BBX: variants seen among roughly 807,000 people sequenced by gnomAD.
BBX encodes the protein HMG box transcription factor BBX.
BBX carries 30 observed loss-of-function variants against 100.2 expected under a neutral mutation model. That is an observed-to-expected ratio of 0.30 (90% CI 0.22 to 0.41). BBX has a LOEUF of 0.41. BBX is among the 10% of genes least tolerant of loss of function. BBX has a pLI of 1.00. For missense variants in BBX, 1,023 were observed against 1,129.8 expected, an observed-to-expected ratio of 0.91 and a Z score of 1.35; for synonymous variants, 376 against 388.1, an observed-to-expected ratio of 0.97 and a Z score of 0.37.
intron 3 of BBX, among the ~76,000 whole-genome samples, chr3:107,670,069 A>C (rs1410730990): frequency 6.6e-6 from 1 of 152,128 alleles, no homozygotes; most frequent in Non-Finnish European, 1.5e-5. Context: ...CTGAGTTTGA[A>C]TCAGATGTTA....
At chr3:107,686,229 C>G (rs73850122) in intron 3 of BBX, among the ~76,000 whole-genome samples, 2,443 of 152,212 alleles carry the variant, frequency 0.016, 56 homozygotes, top group African/African-American at 0.054. Flanking sequence ...TGTGGATTCA[C>G]TTTTACAGAT....
chr3:107,780,684 A>C (rs1045626006), intron 13 of BBX, among the ~76,000 whole-genome samples: 2 of 152,078 alleles, frequency 1.3e-5, no homozygotes, highest in Non-Finnish European at 2.9e-5. Flanking sequence ...AAATTAAATA[A>C]TATATTATCT....
intron 6 of BBX, among the ~76,000 whole-genome samples, chr3:107,731,926 A>G (rs182499895): frequency 1.7e-4 from 26 of 152,314 alleles, no homozygotes; most frequent in Admixed American, 2.6e-4. Flanking sequence ...GTACTAGGAG[A>G]GATGCCGAGT....
chr3:107,561,437 A>G (rs2050489319), intron 2 of BBX, among the ~76,000 whole-genome samples: 1 of 152,194 alleles, frequency 6.6e-6, no homozygotes, highest in Admixed American at 6.5e-5. Flanking sequence ...GTATAAGAAT[A>G]TTCATAGTAA....
At chr3:107,794,974 A>G (rs1013128253) in intron 15 of BBX, among the ~76,000 whole-genome samples, 1 of 152,174 alleles carries the variant, frequency 6.6e-6, no homozygotes, top group African/African-American at 2.4e-5. Context: ...ATACGCACCA[A>G]GTGTGTTATG....
intron 3 of BBX, among the ~76,000 whole-genome samples, chr3:107,703,491 A>G (rs540910713): frequency 4.7e-4 from 72 of 152,228 alleles, no homozygotes; most frequent in African/African-American, 1.7e-3. Context: ...TTAAAACTAC[A>G]TATTTCTTTA....
chr3:107,568,704 G>A (rs530805880), intron 2 of BBX, among the ~76,000 whole-genome samples: 67 of 151,558 alleles, frequency 4.4e-4, no homozygotes, highest in Middle Eastern at 3.4e-3. Context: ...TCTTTCTTTT[G>A]CATTCTGGGG....
At chr3:107,633,331 T>A (rs1294312530) in intron 2 of BBX, among the ~76,000 whole-genome samples, 2 of 152,132 alleles carry the variant, frequency 1.3e-5, no homozygotes, top group Admixed American at 6.5e-5. Context: ...ATCTTTTGAT[T>A]TTATGAAAAG....
At chr3:107,527,873 C>A (rs1008305685) in intron 2 of BBX, among the ~76,000 whole-genome samples, 1 of 152,128 alleles carries the variant, frequency 6.6e-6, no homozygotes, top group African/African-American at 2.4e-5. Flanking sequence ...AAAATGCATT[C>A]TTGATTACTA....
In BBX at chr3:107,796,404, G is replaced by A. The variant is rs186266025; in HGVS notation, c.2354-2119G>A. ...ACATGTTCTGTACTTTCCTGGGAAGGGGAAGTAGAAAAGGGAAGAGGTTAA... is the reference window on the plus strand; with the variant it reads ...ACATGTTCTGTACTTTCCTGGGAAGAGGAAGTAGAAAAGGGAAGAGGTTAA... On this transcript the variant is annotated intron_variant, in intron 15 of 17. Transcript: ENST00000325805. Among the ~76,000 whole-genome samples, 296 of 152,296 alleles carry A rather than the reference G, an allele frequency of 1.9e-3. 1 individual carries two copies. The highest frequency in any genetic ancestry group is 6.6e-3 in the African/African-American group (275 of 41,554).
At chr3:107,791,798 C>T (rs1207688319) in intron 15 of BBX, among the ~76,000 whole-genome samples, 6 of 152,090 alleles carry the variant, frequency 3.9e-5, no homozygotes, top group African/African-American at 1.2e-4. Flanking sequence ...GTCAGGAGTT[C>T]GAGACTAGCC....
chr3:107,701,321 A>G (rs1271527766), intron 3 of BBX, among the ~76,000 whole-genome samples: 1 of 152,150 alleles, frequency 6.6e-6, no homozygotes, highest in East Asian at 1.9e-4. Flanking sequence ...TGGTCCCATC[A>G]TGTGCTGGCA....
chr3:107,720,440 A>G (rs1251168209), intron 5 of BBX, among the ~76,000 whole-genome samples: 1 of 151,974 alleles, frequency 6.6e-6, no homozygotes, highest in African/African-American at 2.4e-5. Flanking sequence ...TTTTTGTATA[A>G]GGATTCAGAG....
At chr3:107,791,989 A>C (rs1258039527) in intron 15 of BBX, among the ~76,000 whole-genome samples, 2 of 152,234 alleles carry the variant, frequency 1.3e-5, no homozygotes, top group Non-Finnish European at 2.9e-5. Flanking sequence ...CAACAACAAC[A>C]AAAAAGAATA....
chr3:107,619,908 T>C (rs752001686), intron 2 of BBX, among the ~76,000 whole-genome samples: 3 of 152,166 alleles, frequency 2.0e-5, no homozygotes, highest in Non-Finnish European at 4.4e-5. Flanking sequence ...TTGACTATGT[T>C]GTGTCTTGGT....
intron 5 of BBX, among the ~76,000 whole-genome samples, chr3:107,726,817 T>C (rs1442070757): frequency 2.6e-5 from 4 of 152,062 alleles, no homozygotes; most frequent in Admixed American, 1.3e-4. Flanking sequence ...CTCTTCTCTC[T>C]CCCCAATGTC....
intron 3 of BBX, chr3:107,659,884 G>A (rs2058354623): frequency 1.6e-5 from 8 of 497,216 alleles, no homozygotes; most frequent in South Asian, 1.1e-4. Flanking sequence ...TAAGAGGGAC[G>A]TATAATATGA....
chr3:107,751,995 A>G (rs1371163708), intron 9 of BBX, among the ~76,000 whole-genome samples: 1 of 152,238 alleles, frequency 6.6e-6, no homozygotes, highest in Admixed American at 6.5e-5. Flanking sequence ...TCAGAAGGGA[A>G]CTGTTGTCTT....
chr3:107,790,283 G>A (rs2068867093), intron 14 of BBX, among the ~76,000 whole-genome samples: 1 of 152,142 alleles, frequency 6.6e-6, no homozygotes, highest in Admixed American at 6.6e-5. Flanking sequence ...TCGTGTTCAT[G>A]TGAAAGTGCC....
Sources: gnomAD v4.1 joint callset for allele counts (sites outside exome capture counted in the v4.1 genomes callset) on GRCh38, gnomAD v4.1.1 for gene constraint, MANE v1.5 for transcripts, NCBI Gene and HGNC (gene_info 2026-07-23, HGNC 2026-07-21) for gene names.